Variants in TNS4 observed in about 807,000 individuals in gnomAD.
TNS4 encodes the protein tensin-4.
Under a neutral mutation model 70.4 loss-of-function variants are expected in TNS4, and 46 were observed. The observed-to-expected ratio is 0.65, with a 90% CI of 0.52 to 0.84. The LOEUF is 0.84. Among genes scored for constraint, TNS4 ranks in the 40% least tolerant of loss-of-function variants. The pLI is 0.00. For missense variants in TNS4, 863 were observed against 907.0 expected (o/e 0.95, Z 0.62); for synonymous variants, 390 against 366.6 (o/e 1.06, Z -0.73).
chr17:40,477,624 C>G lies in TNS4; in HGVS notation c.2112G>C (p.Leu704=). Residue 704 remains leucine, a synonymous_variant, in exon 13 of 13, where the codon CTG becomes CTC. Coordinates refer to ENST00000254051, the MANE Select transcript of TNS4 (RefSeq NM_032865.6). ...CTGCGTCCTGCAGCAGAGCAGTCAC[C>G]AGGCCGATGACCTGCGAGGCTGGCT... ...MVQPASQVIG[L]VTALLQDAER... 1 of 1,614,144 alleles carries G rather than the reference C, an allele frequency of 6.2e-7. No homozygotes were observed. The highest frequency in any genetic ancestry group is 1.7e-4 in the Middle Eastern group (1 of 6,058).
At chr17:40,495,917 AG>A in intron 2 of TNS4, 69 bp downstream of exon 2, 1 of 1,513,792 alleles carries the variant, frequency 6.6e-7, no homozygotes. Context: ...CTCTGTACAT[AG>A]GAAAATCCTT....
At chr17:40,484,383 C>A in intron 6 of TNS4, 101 bp downstream of exon 6, 1 of 1,522,208 alleles carries the variant, frequency 6.6e-7, no homozygotes, top group Non-Finnish European at 8.8e-7. Flanking sequence ...ATAAGACTGG[C>A]GCCATGTCAC....
In TNS4 at chr17:40,488,578, G is replaced by A. The variant is rs755564987; in HGVS notation, c.831C>T (p.Ser277=). 33 of 1,511,940 alleles carry A rather than the reference G, an allele frequency of 2.2e-5. No homozygotes were observed. Among genetic ancestry groups the A allele is most frequent in the Non-Finnish European group, 2.8e-5 (32 of 1,130,180 alleles). The allele number at this position is 1,511,940 out of a possible 1,614,324, so 93.7% of individuals were successfully genotyped here. A position where few individuals can be genotyped will look rare whatever the true frequency, so the allele number is the denominator to read the frequency against. ...RGSRISVLSA[S]PVSDVSYMFG... ...ACATATAGCTGACATCAGACACTGG[G>A]CTGGCTGACAGCACAGAGATCCTGC... is the stretch of plus-strand genomic sequence containing the variant. The change falls in exon 3 of 13, where the codon AGC becomes AGT. Residue 277 remains serine (S), a synonymous_variant. Transcript: ENST00000254051.
Position 40,484,486 on chromosome 17 carries a change from G to A in TNS4, c.1499C>T (p.Pro500Leu). ...QEVPASAQSR[P>L]GEDSNDLIRH... ...TGAGCACAGAGACAGACGCATACCT[G>A]GTCGACTCTGAGCAGACGCGGGAAC... is the stretch of plus-strand genomic sequence containing the variant. Residue 500 changes from proline to leucine, a missense_variant and splice_region_variant, in exon 6 of 13, where the codon CCA becomes CTA. Coordinates refer to ENST00000254051, the MANE Select transcript of TNS4 (RefSeq NM_032865.6). 1 of 1,610,162 alleles carries A rather than the reference G, an allele frequency of 6.2e-7. No individual in the cohort carries two copies. Among genetic ancestry groups the A allele is most frequent in the Non-Finnish European group, 8.5e-7 (1 of 1,179,956 alleles).
At chr17:40,483,923 A>C (rs1192262996) in intron 6 of TNS4, among the ~76,000 whole-genome samples, 1 of 152,130 alleles carries the variant, frequency 6.6e-6, no homozygotes, top group Non-Finnish European at 1.5e-5. Flanking sequence ...ATCTGTTTTC[A>C]TCTGTCTCCC....
In TNS4 at chr17:40,479,790, G is replaced by C. The variant is rs751565812; in HGVS notation, c.1794C>G (p.Ala598=). 16 of 1,613,944 alleles carry C rather than the reference G, an allele frequency of 9.9e-6. No individual in the cohort carries two copies. The highest frequency in any genetic ancestry group is 1.4e-5 in the Non-Finnish European group (16 of 1,180,004). Residue 598 remains alanine (A), a synonymous_variant, in exon 10 of 13, where the codon GCC becomes GCG. Coordinates refer to ENST00000254051, the MANE Select transcript of TNS4 (RefSeq NM_032865.6). ...SSVSVETLTG[A]LAVQKAISTT... is the part of the protein sequence containing the mutation. ...TGGAGATGGCTTTCTGCACGGCCAGGGCTCCAGTCAGGGTCTCCACGCTCA... is the reference window on the plus strand; with the variant it reads ...TGGAGATGGCTTTCTGCACGGCCAGCGCTCCAGTCAGGGTCTCCACGCTCA...
At chr17:40,480,846 C>T (rs1325718675) in intron 8 of TNS4, 78 bp from the exon 9 acceptor site, 2 of 1,495,192 alleles carry the variant, frequency 1.3e-6, no homozygotes, top group Non-Finnish European at 1.8e-6. Context: ...GAACAGGCCT[C>T]ATGAATCCCT....
At chr17:40,499,477 G>A (rs1417822550) in intron 1 of TNS4, among the ~76,000 whole-genome samples, 1 of 152,222 alleles carries the variant, frequency 6.6e-6, no homozygotes, top group Non-Finnish European at 1.5e-5. Context: ...TGGAATTCAA[G>A]TGCAGAGGGA....
chr17:40,477,617 C>CA lies in TNS4; in HGVS notation c.2118dup (p.Ala707CysfsTer56). On this transcript the variant is annotated frameshift_variant, in exon 13 of 13. Transcript: ENST00000254051. LOFTEE classifies it high-confidence loss of function. The stretch of plus-strand genomic sequence containing the variant: ...ATCCTTTCTGCGTCCTGCAGCAGAG[C>CA]AGTCACCAGGCCGATGACCTGCGAG... 6.2e-7 allele frequency: 1 copy of CA among 1,614,144 alleles called. No homozygotes were observed.
At chr17:40,478,142 G>T in intron 12 of TNS4, 165 bp downstream of exon 12, 2 of 853,560 alleles carry the variant, frequency 2.3e-6, no homozygotes, top group Non-Finnish European at 3.8e-6. Flanking sequence ...CAGCCCAGAG[G>T]CTCTGAGGGC....
Position 40,480,779 on chromosome 17 carries a change from G to A in TNS4, c.1673-11C>T. ...CTGCACCTCCCAGTTCTGAGCCAAG[G>A]CAAAGAAACAGGCCCCCCAAAGGGG... On this transcript the variant is annotated splice_polypyrimidine_tract_variant and intron_variant, in intron 8 of 12. Coordinates refer to ENST00000254051, the MANE Select transcript of TNS4 (RefSeq NM_032865.6). 8 of 1,600,684 alleles carry A rather than the reference G, an allele frequency of 5.0e-6. No homozygotes were observed. The highest frequency in any genetic ancestry group is 6.8e-6 in the Non-Finnish European group (8 of 1,174,282).
chr17:40,497,963 A>G (rs1014318676), intron 1 of TNS4, among the ~76,000 whole-genome samples: 1 of 152,306 alleles, frequency 6.6e-6, no homozygotes, highest in East Asian at 1.9e-4. Context: ...TTAATGCCAC[A>G]TGCTAGTTTC....
chr17:40,484,700 G>C, intron 5 of TNS4, 91 bp from the exon 6 acceptor site: 2 of 1,558,772 alleles, frequency 1.3e-6, no homozygotes, highest in South Asian at 2.3e-5. Flanking sequence ...AGATGTTACA[G>C]AGTCACCTTT....
chr17:40,478,348 C>CA lies in TNS4; in HGVS notation c.1980-16dup. Reference sequence around the variant, plus strand: ...ACTTCTGCCACCTGTAGGAAAAGAACATGATACCGAGTAATGAGGCTTCGC... The same window carrying CA: ...ACTTCTGCCACCTGTAGGAAAAGAACAATGATACCGAGTAATGAGGCTTCGC... On this transcript the variant is annotated splice_polypyrimidine_tract_variant and intron_variant, in intron 11 of 12. Transcript: ENST00000254051. 6.2e-7 allele frequency: 1 copy of CA among 1,609,748 alleles called. No homozygotes were observed. The highest frequency in any genetic ancestry group is 1.1e-5 in the South Asian group (1 of 90,536).
chr17:40,482,075 T>G (rs887294007), intron 8 of TNS4, 54 bp downstream of exon 8: 2 of 1,593,682 alleles, frequency 1.3e-6, no homozygotes, highest in African/African-American at 2.7e-5. Context: ...CCATTTCTAA[T>G]GAGAACAAAC....
Position 40,496,244 on chromosome 17 carries a change from C to T in TNS4, c.182G>A (p.Gly61Glu). The T allele has an allele frequency of 6.3e-7, 1 of 1,595,394 alleles. No individual in the cohort carries two copies. Among genetic ancestry groups the T allele is most frequent in the Non-Finnish European group, 8.5e-7 (1 of 1,171,386 alleles). The change falls in exon 2 of 13, where the codon GGG (glycine) becomes GAG (glutamate). Residue 61 changes from glycine to glutamate, a missense_variant. Physicochemically the swap from Gly to Glu is moderately conservative, Grantham distance 98. Coordinates refer to ENST00000254051, the MANE Select transcript of TNS4 (RefSeq NM_032865.6). ...QALMAPVPCM[G>E]PPGRLQQAPQ... Reference sequence around the variant, plus strand: ...GGCTTGCTGGAGTCGGCCAGGGGGCCCCATGCAGGGCACGGGGGCCATCAG... The same window carrying T: ...GGCTTGCTGGAGTCGGCCAGGGGGCTCCATGCAGGGCACGGGGGCCATCAG...
intron 3 of TNS4, 151 bp from the exon 4 acceptor site, chr17:40,487,611 C>A (rs773814982): frequency 8.1e-6 from 6 of 739,820 alleles, no homozygotes; most frequent in Non-Finnish European, 1.3e-5. Context: ...CAGCAAAGTG[C>A]ATGCCCACCT....
chr17:40,479,737 G>T lies in TNS4; in HGVS notation c.1847C>A (p.Thr616Lys), dbSNP rs372307680. 1 of 1,614,114 alleles carries T rather than the reference G, an allele frequency of 6.2e-7. No homozygotes were observed. Among genetic ancestry groups the T allele is most frequent in the East Asian group, 2.2e-5 (1 of 44,884 alleles). Reference protein sequence around the residue: ...STTFERDILPTPTVVHFKVTE... With the variant: ...STTFERDILPKPTVVHFKVTE... Reference sequence around the variant, plus strand: ...GACTTTGAAGTGGACCACGGTGGGCGTGGGGAGGATGTCCCTCTCAAAGGT... The same window carrying T: ...GACTTTGAAGTGGACCACGGTGGGCTTGGGGAGGATGTCCCTCTCAAAGGT... The change falls in exon 10 of 13, where the codon ACG (threonine) becomes AAG (lysine). Residue 616 changes from threonine to lysine, a missense_variant. By Grantham distance (78) the Thr-to-Lys change is moderately conservative (BLOSUM62 -1). Coordinates refer to ENST00000254051, the MANE Select transcript of TNS4 (RefSeq NM_032865.6).
At chr17:40,495,668 C>T (rs1215232519) in intron 2 of TNS4, among the ~76,000 whole-genome samples, 1 of 152,148 alleles carries the variant, frequency 6.6e-6, no homozygotes, top group Non-Finnish European at 1.5e-5. Flanking sequence ...CAGGGATCCA[C>T]ATTTATTGAG....
Sources: allele counts gnomAD v4.1 joint callset (sites outside exome capture counted in the v4.1 genomes callset), GRCh38; gene constraint gnomAD v4.1.1; transcripts MANE v1.5; gene names NCBI Gene and HGNC (gene_info 2026-07-23, HGNC 2026-07-21).